Variants in SPPL2A observed in about 807,000 individuals in gnomAD.
The protein encoded by SPPL2A is signal peptide peptidase-like 2A.
SPPL2A carries 51 observed loss-of-function variants against 63.8 expected under a neutral mutation model. The observed-to-expected ratio is 0.80, with a 90% CI of 0.64 to 1.01. SPPL2A has a LOEUF of 1.01. Ranked by LOEUF, SPPL2A falls within the 50% of genes least tolerant of loss-of-function variation. The probability of loss-of-function intolerance (pLI) is 0.00; values close to 1 mark genes in which losing one functional copy is unlikely to be tolerated. For missense variants in SPPL2A, 553 were observed against 622.7 expected (o/e 0.89, Z 1.19); for synonymous variants, 188 against 205.8 (o/e 0.91, Z 0.74).
In SPPL2A at chr15:50,707,970, G is replaced by A. The variant is rs111663363; in HGVS notation, c.1489-96C>T. ...AAGGATTCTTTTTCTAAAAAACACA[G>A]ATTGCTCTATGAAACTGAGCACTCC... On this transcript the variant is annotated intron_variant, in intron 14 of 14. Coordinates refer to ENST00000261854, the MANE Select transcript of SPPL2A (RefSeq NM_032802.4). The A allele has an allele frequency of 7.1e-5, 51 of 720,718 alleles. No homozygotes were observed. The African/African-American group carries it at 8.4e-4, about 12-fold the overall frequency. 44.6% of individuals were successfully genotyped at this position (720,718 alleles called of 1,614,324 possible).
At chr15:50,728,882 T>C (rs1285398760) in intron 10 of SPPL2A, among the ~76,000 whole-genome samples, 1 of 151,758 alleles carries the variant, frequency 6.6e-6, no homozygotes, top group Non-Finnish European at 1.5e-5. Context: ...GGCGCAATCT[T>C]GGCTCACTGC....
chr15:50,757,107 G>T, intron 1 of SPPL2A, among the ~76,000 whole-genome samples: 1 of 56,552 alleles, frequency 1.8e-5, no homozygotes. Flanking sequence ...TTTTGAGACA[G>T]AGTCTCACTC....
chr15:50,718,982 G>A (rs966028207), intron 14 of SPPL2A, among the ~76,000 whole-genome samples: 3 of 152,062 alleles, frequency 2.0e-5, no homozygotes, highest in Non-Finnish European at 2.9e-5. Context: ...GAAGGGGTCA[G>A]TGCCATGGCC....
chr15:50,717,974 T>G (rs1455968148), intron 14 of SPPL2A, among the ~76,000 whole-genome samples: 3 of 140,286 alleles, frequency 2.1e-5, no homozygotes, highest in African/African-American at 5.2e-5. Flanking sequence ...TTTCGTTTTT[T>G]TTTTTTTTTT....
chr15:50,764,894 G>C (rs1470763877), intron 1 of SPPL2A, among the ~76,000 whole-genome samples: 2 of 144,780 alleles, frequency 1.4e-5, no homozygotes, highest in South Asian at 2.2e-4. Context: ...TTAAATTACT[G>C]CTATTAAAAC....
intron 8 of SPPL2A, among the ~76,000 whole-genome samples, chr15:50,734,231 A>G (rs748735676): frequency 3.9e-5 from 6 of 152,332 alleles, no homozygotes; most frequent in East Asian, 1.9e-4. Context: ...TAGCCAAGAT[A>G]TGGAATCAAC....
intron 10 of SPPL2A, among the ~76,000 whole-genome samples, chr15:50,727,480 A>G (rs2062695563): frequency 6.6e-6 from 1 of 152,220 alleles, no homozygotes; most frequent in Non-Finnish European, 1.5e-5. Flanking sequence ...TTCCAGATAA[A>G]GAGTTCATTT....
intron 2 of SPPL2A, 85 bp from the exon 3 acceptor site, chr15:50,748,955 C>A: frequency 1.3e-6 from 1 of 783,648 alleles, no homozygotes; most frequent in South Asian, 2.2e-5. Flanking sequence ...CTTTGGTTAT[C>A]AATATTGGTT....
chr15:50,756,236 C>T (rs143351055), intron 1 of SPPL2A, among the ~76,000 whole-genome samples: 147 of 151,578 alleles, frequency 9.7e-4, no homozygotes, highest in African/African-American at 3.4e-3. Context: ...TGGTGGGCGC[C>T]TGTAGACCCA....
chr15:50,705,834 C>G lies in SPPL2A; in HGVS notation c.*1966G>C, dbSNP rs371366425. On this transcript the variant is annotated 3_prime_UTR_variant, in exon 15 of 15. Transcript: ENST00000261854. Reference sequence around the variant, plus strand: ...TTTTATTTTTAATAAATTGAACTGGCCTTAGATGAAAGATATAGTTCTGTT... The same window carrying G: ...TTTTATTTTTAATAAATTGAACTGGGCTTAGATGAAAGATATAGTTCTGTT... 6.6e-6 allele frequency: 1 copy of G among 152,070 alleles called. No homozygotes were observed. The highest frequency in any genetic ancestry group is 6.6e-5 in the Admixed American group (1 of 15,262). The allele number at this position is 152,070 out of a possible 1,614,324, so 9.4% of individuals were successfully genotyped here. A position where few individuals can be genotyped will look rare whatever the true frequency, so the allele number is the denominator to read the frequency against.
At chr15:50,722,360 T>A (rs866479517) in intron 12 of SPPL2A, among the ~76,000 whole-genome samples, 159 bp from the exon 13 acceptor site, 3 of 152,188 alleles carry the variant, frequency 2.0e-5, no homozygotes, top group African/African-American at 4.8e-5. Context: ...ATGCTGATTT[T>A]AAAAATACTT....
Position 50,762,825 on chromosome 15 carries a change from C to T in SPPL2A, c.66+2643G>A, listed in dbSNP as rs1002624682. ...TTGGCTTACTGCAACCTCTGCCTCC[C>T]GGGTTCAAGCAATTCTTCCGCCTCA... On this transcript the variant is annotated intron_variant, in intron 1 of 14. Transcript: ENST00000261854. Among the ~76,000 whole-genome samples the T allele has an allele frequency of 9.2e-5, 14 of 151,652 alleles. 1 individual carries two copies. Among genetic ancestry groups the T allele is most frequent in the Admixed American group, 7.2e-4 (11 of 15,212 alleles).
chr15:50,748,725 C>A lies in SPPL2A; in HGVS notation c.323G>T (p.Gly108Val). Residue 108 changes from glycine to valine, a missense_variant, in exon 3 of 15, where the codon GGT becomes GTT. Gly to Val is a moderately radical substitution (Grantham distance 109, BLOSUM62 -3). Coordinates refer to ENST00000261854, the MANE Select transcript of SPPL2A (RefSeq NM_032802.4). Reference protein sequence around the residue: ...LEKARIAQKGGAEAMLVVNNS... With the variant: ...LEKARIAQKGVAEAMLVVNNS... ...ATTGACAACTAACATTGCTTCAGCACCTCCTTTCTGTGCAATTCTGGCTTT... is the reference window on the plus strand; with the variant it reads ...ATTGACAACTAACATTGCTTCAGCAACTCCTTTCTGTGCAATTCTGGCTTT... The A allele has an allele frequency of 6.2e-7, 1 of 1,610,702 alleles. No individual in the cohort carries two copies. The highest frequency in any genetic ancestry group is 1.3e-5 in the African/African-American group (1 of 74,802).
At chr15:50,744,855 T>C (rs2062846640) in intron 5 of SPPL2A, among the ~76,000 whole-genome samples, 1 of 152,204 alleles carries the variant, frequency 6.6e-6, no homozygotes, top group South Asian at 2.1e-4. Flanking sequence ...GTGGTGGCTA[T>C]GGGGGCAGTA....
At chr15:50,747,089 C>G (rs1350314722) in intron 5 of SPPL2A, among the ~76,000 whole-genome samples, 1 of 152,134 alleles carries the variant, frequency 6.6e-6, no homozygotes, top group East Asian at 1.9e-4. Flanking sequence ...CCTTAGAATT[C>G]CTAAAGCATT....
chr15:50,736,671 A>T lies in SPPL2A; in HGVS notation c.803T>A (p.Ile268Asn). The T allele has an allele frequency of 6.2e-7, 1 of 1,602,650 alleles. No individual in the cohort carries two copies. The highest frequency in any genetic ancestry group is 2.2e-5 in the East Asian group (1 of 44,754). The change falls in exon 7 of 15, where the codon ATT (isoleucine) becomes AAT (asparagine). Residue 268 changes from isoleucine (I) to asparagine (N), a missense_variant. Ile to Asn is a moderately radical substitution (Grantham distance 149). Transcript: ENST00000261854. ...MSLYNCLAAL[I>N]HKIPYGQCTI... ...GCATTGTCCATATGGTATCTTATGA[A>T]TTAGTGCAGCAAGACAGTTGTACAG...
intron 13 of SPPL2A, among the ~76,000 whole-genome samples, chr15:50,720,643 C>T (rs993294057): frequency 6.6e-6 from 1 of 151,656 alleles, no homozygotes; most frequent in Non-Finnish European, 1.5e-5. Context: ...CCTCAGCGTC[C>T]CAAGTAGCTG....
In SPPL2A at chr15:50,733,910, T is replaced by C. The variant is rs576801789; in HGVS notation, c.933-1226A>G. On this transcript the variant is annotated intron_variant, in intron 8 of 14. Transcript: ENST00000261854. ...AATAACCAACAGATATATGAAAAAA[T>C]GCTCAACATCTCCAATCAGATGAAA... 1.5e-4 allele frequency among the ~76,000 whole-genome samples: 23 copies of C among 151,830 alleles called. No homozygotes were observed. The South Asian group carries it at 2.7e-3, about 18-fold the overall frequency.
At chr15:50,726,090 A>C (rs548537436) in intron 11 of SPPL2A, 1 of 1,498,692 alleles carries the variant, frequency 6.7e-7, no homozygotes, top group East Asian at 2.6e-5. Flanking sequence ...TGGGGAGCTG[A>C]GGGTTGACCA....
Sources: gnomAD v4.1 joint callset for allele counts (sites outside exome capture counted in the v4.1 genomes callset) on GRCh38, gnomAD v4.1.1 for gene constraint, MANE v1.5 for transcripts, NCBI Gene and HGNC (gene_info 2026-07-23, HGNC 2026-07-21) for gene names.